The following RIMBP2 variants were observed in gnomAD, a reference collection of about 807,000 sequenced individuals.
The protein encoded by RIMBP2 is RIMS binding protein 2.
Under a neutral mutation model 118.6 loss-of-function variants are expected in RIMBP2, and 48 were observed. That is an observed-to-expected ratio of 0.40 (90% CI 0.32 to 0.51). The LOEUF (loss-of-function observed/expected upper bound fraction) is 0.51, where lower values mean the gene tolerates loss of function less well. RIMBP2 is among the 20% of genes least tolerant of loss of function. The probability of loss-of-function intolerance (pLI) is 0.41; values close to 1 mark genes in which losing one functional copy is unlikely to be tolerated. For synonymous variants in RIMBP2, 762 were observed against 742.9 expected, an observed-to-expected ratio of 1.03 and a Z score of -0.42; for missense variants, 1,551 against 1,768.3, an observed-to-expected ratio of 0.88 and a Z score of 2.20.
intron 1 of RIMBP2, among the ~76,000 whole-genome samples, chr12:130,714,452 G>C (rs1950185994): frequency 6.6e-6 from 1 of 152,226 alleles, no homozygotes. Flanking sequence ...GCCCCGGGGA[G>C]GGCTGCGTGG....
chr12:130,613,427 A>T (rs934233586), intron 2 of RIMBP2, among the ~76,000 whole-genome samples: 1 of 151,890 alleles, frequency 6.6e-6, no homozygotes, highest in Non-Finnish European at 1.5e-5. Flanking sequence ...CCAGCCCCCC[A>T]CCCCGCAGGC....
At chr12:130,671,685 C>T (rs1233513986) in intron 1 of RIMBP2, among the ~76,000 whole-genome samples, 1 of 152,152 alleles carries the variant, frequency 6.6e-6, no homozygotes, top group African/African-American at 2.4e-5. Flanking sequence ...TGGCTTCTAC[C>T]AACCAGAGGC....
intron 11 of RIMBP2, among the ~76,000 whole-genome samples, chr12:130,441,340 G>C (rs1224045664): frequency 6.6e-6 from 1 of 151,426 alleles, no homozygotes; most frequent in African/African-American, 2.4e-5. Context: ...GGCAGAGGTT[G>C]CAGTGAGCTG....
rs1309024238 is a variant in RIMBP2 at position 130,683,058 on chromosome 12, G to T, written c.-352+33164C>A. 6.6e-6 allele frequency among the ~76,000 whole-genome samples: 1 copy of T among 152,148 alleles called. No homozygotes were observed. Among genetic ancestry groups the T allele is most frequent in the Non-Finnish European group, 1.5e-5 (1 of 68,028 alleles). On this transcript the variant is annotated intron_variant, in intron 1 of 22. Coordinates refer to ENST00000690449, the MANE Select transcript of RIMBP2 (RefSeq NM_001393629.1). This position sits in a 1 kb window ranked among gnomAD's most constrained non-coding sequence, Gnocchi z 4.4. Reference sequence around the variant, plus strand: ...GGTGAGGTCGTAGTAGTTGAATAGTGCCTTCCCCAAAAAACCCACATGACC... The same window carrying T: ...GGTGAGGTCGTAGTAGTTGAATAGTTCCTTCCCCAAAAAACCCACATGACC...
intron 1 of RIMBP2, among the ~76,000 whole-genome samples, chr12:130,682,021 T>C (rs767646486): frequency 6.6e-6 from 1 of 152,164 alleles, no homozygotes; most frequent in Non-Finnish European, 1.5e-5. Context: ...TATGCATACA[T>C]GTGGCAAAGA....
chr12:130,494,647 AAAAAGAAAGAAAAG>A (rs1190511252), intron 4 of RIMBP2, among the ~76,000 whole-genome samples: 20 of 127,392 alleles, frequency 1.6e-4, no homozygotes, highest in Admixed American at 9.7e-4. Flanking sequence ...TCAAAAAAAA[AAAAAGAAAGAAAAG>A]AAAAGAAAGA....
chr12:130,518,439 T>C (rs34544094), intron 2 of RIMBP2, among the ~76,000 whole-genome samples: 9,412 of 152,254 alleles, frequency 0.062, 392 homozygotes, highest in South Asian at 0.16. Flanking sequence ...AGTCCAGCTT[T>C]TTCAAGATAT....
chr12:130,543,607 A>C (rs1259409784), intron 2 of RIMBP2, among the ~76,000 whole-genome samples: 1 of 152,126 alleles, frequency 6.6e-6, no homozygotes, highest in Non-Finnish European at 1.5e-5. Flanking sequence ...CTCACGAGGA[A>C]TTGGCCGTAG....
chr12:130,453,600 G>C (rs1012229845), intron 7 of RIMBP2, among the ~76,000 whole-genome samples: 6 of 152,234 alleles, frequency 3.9e-5, no homozygotes, highest in Non-Finnish European at 7.3e-5. Context: ...AACATGGCAC[G>C]GACGGCCCCC....
rs1485055554 is a variant in RIMBP2, at chr12:130,447,107, C to T, written c.582-1838G>A. Reference sequence around the variant, plus strand: ...GAGGAGGAGGAGGGAGCGAGAGGAACAGGAGCCCCCAGGCCACGCCTTCAG... The same window carrying T: ...GAGGAGGAGGAGGGAGCGAGAGGAATAGGAGCCCCCAGGCCACGCCTTCAG... On this transcript the variant is annotated intron_variant, in intron 9 of 22. Transcript: ENST00000690449. The surrounding 1 kb of genome is among the most constrained non-coding windows in gnomAD (Gnocchi z 4.4). Among the ~76,000 whole-genome samples the T allele has an allele frequency of 1.3e-5, 2 of 151,368 alleles. No homozygotes were observed. Among genetic ancestry groups the T allele is most frequent in the African/African-American group, 4.9e-5 (2 of 41,072 alleles).
Position 130,506,740 on chromosome 12 carries a change from G to C in RIMBP2, c.-96C>G. 1.0e-6 allele frequency: 1 copy of C among 985,692 alleles called. No individual in the cohort carries two copies. The highest frequency in any genetic ancestry group is 1.2e-6 in the Non-Finnish European group (1 of 829,934). 61.1% of individuals were successfully genotyped at this position (985,692 alleles called of 1,614,324 possible). ...CGCTCTCTGGTCACGAGGGTGAGCGGATGGTTGAGATGCACATACTCTGCC... is the reference window on the plus strand; with the variant it reads ...CGCTCTCTGGTCACGAGGGTGAGCGCATGGTTGAGATGCACATACTCTGCC... On this transcript the variant is annotated 5_prime_UTR_variant, in exon 4 of 23. The change creates a new upstream start codon in the 5' untranslated region. Coordinates refer to ENST00000690449, the MANE Select transcript of RIMBP2 (RefSeq NM_001393629.1).
At position 130,620,200 on chromosome 12, in the gene RIMBP2, C is replaced by T. The variant is rs77705322; in HGVS notation, c.-217+8122G>A. On this transcript the variant is annotated intron_variant, in intron 2 of 22. Coordinates refer to ENST00000690449, the MANE Select transcript of RIMBP2 (RefSeq NM_001393629.1). This position sits in a 1 kb window ranked among gnomAD's most constrained non-coding sequence, Gnocchi z 5.3. Reference sequence around the variant, plus strand: ...TCCAGCCAAGGGATGGGCACAAGACCGAAGTGGTGGCAGTTAAACAATCAG... The same window carrying T: ...TCCAGCCAAGGGATGGGCACAAGACTGAAGTGGTGGCAGTTAAACAATCAG... Among the ~76,000 whole-genome samples the T allele has an allele frequency of 0.019, 2,832 of 152,190 alleles. 88 individuals are homozygous for T. Among genetic ancestry groups the T allele is most frequent in the African/African-American group, 0.064 (2,668 of 41,504 alleles).
chr12:130,465,346 T>TC, intron 6 of RIMBP2: 1 of 152,452 alleles, frequency 6.6e-6, no homozygotes, highest in South Asian at 2.1e-4. Flanking sequence ...GGCGAGGGAC[T>TC]CCCATCAGGG....
chr12:130,596,006 G>A (rs562611641), intron 2 of RIMBP2, among the ~76,000 whole-genome samples: 37 of 152,298 alleles, frequency 2.4e-4, no homozygotes, highest in African/African-American at 8.9e-4. Flanking sequence ...TACTGCTTCA[G>A]CCAAGAAGTA....
chr12:130,615,296 TGTGTACACACAAAC>T (rs1566372279), intron 2 of RIMBP2, among the ~76,000 whole-genome samples: 10 of 119,562 alleles, frequency 8.4e-5, no homozygotes, highest in Admixed American at 1.6e-4. Context: ...TATATATATA[TGTGTACACACAAAC>T]ATATATAGAT....
intron 1 of RIMBP2, among the ~76,000 whole-genome samples, chr12:130,687,940 G>C (rs2065133628): frequency 6.6e-6 from 1 of 152,194 alleles, no homozygotes; most frequent in South Asian, 2.1e-4. Flanking sequence ...AATTAAAATA[G>C]TGCTCAAAGC....
chr12:130,466,123 A>C (rs535935781), intron 6 of RIMBP2: 1 of 152,122 alleles, frequency 6.6e-6, no homozygotes, highest in Non-Finnish European at 1.5e-5. Flanking sequence ...TGTCTCTCCT[A>C]TGCACTCTCA....
In RIMBP2 at chr12:130,485,924, G is replaced by A. The variant is rs138079713; in HGVS notation, c.-3-6908C>T. 1.4e-4 allele frequency among the ~76,000 whole-genome samples: 22 copies of A among 152,314 alleles called. No homozygotes were observed. In the East Asian group the frequency reaches 3.9e-3, roughly 27 times the overall value. On this transcript the variant is annotated intron_variant, in intron 4 of 22. Transcript: ENST00000690449. Reference sequence around the variant, plus strand: ...TCCGTACAAAGCAGCTGTCAGAAAGGCGTGAGCGGGAGAAGCACTCGGCCC... The same window carrying A: ...TCCGTACAAAGCAGCTGTCAGAAAGACGTGAGCGGGAGAAGCACTCGGCCC...
chr12:130,515,437 C>G (rs969499700), intron 3 of RIMBP2, among the ~76,000 whole-genome samples: 4 of 152,114 alleles, frequency 2.6e-5, no homozygotes, highest in Non-Finnish European at 4.4e-5. Context: ...TCTGATGACT[C>G]TAGGAACCTC....
Sources: gnomAD v4.1 joint callset for allele counts (sites outside exome capture counted in the v4.1 genomes callset) on GRCh38, gnomAD v4.1.1 for gene constraint, Gnocchi (gnomAD v3.1) non-coding constraint, MANE v1.5 for transcripts, NCBI Gene and HGNC (gene_info 2026-07-23, HGNC 2026-07-21) for gene names.